LRRTM3: variants seen among roughly 807,000 people sequenced by gnomAD.
LRRTM3 encodes the protein leucine-rich repeat transmembrane neuronal protein 3.
Under a neutral mutation model 44.7 loss-of-function variants are expected in LRRTM3, and 24 were observed. The ratio of observed to expected loss-of-function variants is 0.54; its 90% CI spans 0.39 to 0.76. LRRTM3 has a LOEUF of 0.76. LRRTM3 is among the 30% of genes least tolerant of loss of function. The pLI is 0.00. For synonymous variants in LRRTM3, 277 were observed against 278.7 expected (o/e 0.99, Z 0.06); for missense variants, 587 against 702.2 (o/e 0.84, Z 1.85).
chr10:67,031,311 A>C (rs1693506516), intron 2 of LRRTM3, among the ~76,000 whole-genome samples: 1 of 152,158 alleles, frequency 6.6e-6, no homozygotes, highest in Non-Finnish European at 1.5e-5. Context: ...AGTAACAGAG[A>C]AGGGAAAAAA....
chr10:67,097,357 A>G (rs2394341), intron 2 of LRRTM3, among the ~76,000 whole-genome samples: 86,064 of 151,650 alleles, frequency 0.57, 26,184 homozygotes, highest in African/African-American at 0.8. Context: ...CTACTTATCC[A>G]AATCTTCTAG....
intron 2 of LRRTM3, among the ~76,000 whole-genome samples, chr10:67,059,490 G>T (rs995760479): frequency 3.9e-5 from 6 of 152,190 alleles, no homozygotes; most frequent in Non-Finnish European, 7.3e-5. Flanking sequence ...TAGGTCGAAG[G>T]TAATATGAAA....
At chr10:67,009,162 T>C (rs775492364) in intron 2 of LRRTM3, among the ~76,000 whole-genome samples, 5 of 152,168 alleles carry the variant, frequency 3.3e-5, no homozygotes, top group Non-Finnish European at 4.4e-5. Context: ...AGAATGCCAT[T>C]AAAATCATAT....
At chr10:67,027,603 T>G (rs574391116) in intron 2 of LRRTM3, among the ~76,000 whole-genome samples, 3 of 151,992 alleles carry the variant, frequency 2.0e-5, no homozygotes, top group South Asian at 2.1e-4. Flanking sequence ...CCCAGCTAAC[T>G]TTTTTGTATT....
intron 2 of LRRTM3, among the ~76,000 whole-genome samples, chr10:67,078,547 C>T (rs574651897): frequency 5.3e-4 from 81 of 152,010 alleles, no homozygotes; most frequent in Middle Eastern, 6.8e-3. Flanking sequence ...GAAGGAGTCT[C>T]GCTCTGTCGC....
At chr10:67,067,062 A>G (rs2131835617) in intron 2 of LRRTM3, among the ~76,000 whole-genome samples, 1 of 152,298 alleles carries the variant, frequency 6.6e-6, no homozygotes, top group East Asian at 1.9e-4. Context: ...CTTCTGAATG[A>G]AAATGCTTTG....
At chr10:66,968,609 A>T (rs775865621) in intron 2 of LRRTM3, among the ~76,000 whole-genome samples, 11 of 152,132 alleles carry the variant, frequency 7.2e-5, no homozygotes, top group Non-Finnish European at 1.5e-4. Flanking sequence ...CACCTAACAG[A>T]GAAAAGACAC....
At chr10:67,067,232 T>G (rs1024318057) in intron 2 of LRRTM3, among the ~76,000 whole-genome samples, 11 of 152,168 alleles carry the variant, frequency 7.2e-5, no homozygotes, top group African/African-American at 2.7e-4. Context: ...TAAGTATGTG[T>G]GTATATTTAT....
At chr10:67,063,702 T>C (rs1321527781) in intron 2 of LRRTM3, among the ~76,000 whole-genome samples, 1 of 152,220 alleles carries the variant, frequency 6.6e-6, no homozygotes, top group Non-Finnish European at 1.5e-5. Flanking sequence ...ACACAGATAA[T>C]TGGCATGAGC....
chr10:67,066,195 C>CTT (rs71006118), intron 2 of LRRTM3, among the ~76,000 whole-genome samples: 8,028 of 122,994 alleles, frequency 0.065, 469 homozygotes, highest in South Asian at 0.19. Flanking sequence ...AAGTCACTGG[C>CTT]TTTTTTTTTT....
chr10:66,955,379 A>G (rs1282611724), intron 2 of LRRTM3, among the ~76,000 whole-genome samples: 1 of 152,218 alleles, frequency 6.6e-6, no homozygotes, highest in Non-Finnish European at 1.5e-5. Flanking sequence ...ATAGAAATGT[A>G]TAATATCTTA....
chr10:66,955,861 C>T (rs1848762030), intron 2 of LRRTM3, among the ~76,000 whole-genome samples: 1 of 152,118 alleles, frequency 6.6e-6, no homozygotes, highest in African/African-American at 2.4e-5. Flanking sequence ...TGTGTCTCAC[C>T]TTCATCACCA....
At position 67,100,289 on chromosome 10, in the gene LRRTM3, T is replaced by A. The variant is rs183176343; in HGVS notation, c.*2493T>A. ...CCACAGCTCTGTGCAACCAAGGCCC[T>A]AAGCTACACCAAATACGCCAGGAAT... On this transcript the variant is annotated 3_prime_UTR_variant, in exon 3 of 3. Transcript: ENST00000361320. Among the ~76,000 whole-genome samples, 78 of 151,852 alleles carry A rather than the reference T, an allele frequency of 5.1e-4. No homozygotes were observed. The highest frequency in any genetic ancestry group is 1.7e-3 in the African/African-American group (69 of 41,508).
chr10:66,980,539 A>AAGCAAAAATCAGAATTGAATG (rs1564809921), intron 2 of LRRTM3, among the ~76,000 whole-genome samples: 12 of 138,794 alleles, frequency 8.6e-5, no homozygotes, highest in Admixed American at 2.8e-4. Flanking sequence ...AGAATTGAAC[A>AAGCAAAAATCAGAATTGAATG]GGAACCAAAA....
intron 2 of LRRTM3, among the ~76,000 whole-genome samples, chr10:67,047,702 A>G (rs1435363095): frequency 6.6e-6 from 1 of 152,198 alleles, no homozygotes; most frequent in Non-Finnish European, 1.5e-5. Context: ...CAGCTTTCAC[A>G]TACTAAAATA....
In LRRTM3 at chr10:67,087,029, C is replaced by T. The variant is rs369738223; in HGVS notation, c.1537-10558C>T. Among the ~76,000 whole-genome samples the T allele has an allele frequency of 2.6e-4, 39 of 151,988 alleles. No individual in the cohort carries two copies. The South Asian group carries it at 7.7e-3, about 30-fold the overall frequency. On this transcript the variant is annotated intron_variant, in intron 2 of 2. Coordinates refer to ENST00000361320, the MANE Select transcript of LRRTM3 (RefSeq NM_178011.5). ...CTCATTGCACCACAGTATGAAGAAA[C>T]GGATTTGGAAACACAGCACCAAGAT...
chr10:67,004,587 T>C (rs1279763282), intron 2 of LRRTM3, among the ~76,000 whole-genome samples: 2 of 152,172 alleles, frequency 1.3e-5, no homozygotes, highest in African/African-American at 4.8e-5. Flanking sequence ...GCCTGTAACC[T>C]TGATCCGTTC....
chr10:66,962,509 A>C (rs926873862), intron 2 of LRRTM3, among the ~76,000 whole-genome samples: 18 of 151,570 alleles, frequency 1.2e-4, no homozygotes, highest in African/African-American at 3.9e-4. Flanking sequence ...TCCCGGGTTC[A>C]AGCGATTCTC....
chr10:67,053,345 A>T (rs764933903), intron 2 of LRRTM3, among the ~76,000 whole-genome samples: 19 of 152,176 alleles, frequency 1.2e-4, no homozygotes, highest in Non-Finnish European at 2.6e-4. Flanking sequence ...CATTGATCTG[A>T]GGTGAGATAG....
Sources: gnomAD v4.1 joint callset for allele counts (sites outside exome capture counted in the v4.1 genomes callset) on GRCh38, gnomAD v4.1.1 for gene constraint, MANE v1.5 for transcripts, NCBI Gene and HGNC (gene_info 2026-07-23, HGNC 2026-07-21) for gene names.